Variants in KTN1 observed in about 807,000 individuals in gnomAD.
The protein encoded by KTN1 is kinectin.
Under a neutral mutation model 222.5 loss-of-function variants are expected in KTN1, and 130 were observed. The ratio of observed to expected loss-of-function variants is 0.58; its 90% CI spans 0.51 to 0.68. The LOEUF (loss-of-function observed/expected upper bound fraction) is 0.68, where lower values mean the gene tolerates loss of function less well. Among genes scored for constraint, KTN1 ranks in the 30% least tolerant of loss-of-function variants. The pLI is 0.00. For synonymous variants in KTN1, 512 were observed against 496.3 expected (o/e 1.03, Z -0.42); for missense variants, 1,508 against 1,500.4 (o/e 1.01, Z -0.08).
At chr14:55,680,278 T>C (rs1484162976) in intron 43 of KTN1, 3 of 164,348 alleles carry the variant, frequency 1.8e-5, no homozygotes, top group Non-Finnish European at 2.6e-5. Context: ...TTTTATTGTC[T>C]ATATTACCTT....
chr14:55,607,665 T>G (rs1209064995), intron 1 of KTN1, among the ~76,000 whole-genome samples: 1 of 152,216 alleles, frequency 6.6e-6, no homozygotes, highest in Non-Finnish European at 1.5e-5. Flanking sequence ...ACTGGCTGTT[T>G]ATTGCATTCA....
intron 2 of KTN1, among the ~76,000 whole-genome samples, chr14:55,614,748 G>A (rs2038100997): frequency 6.6e-6 from 1 of 152,192 alleles, no homozygotes; most frequent in South Asian, 2.1e-4. Flanking sequence ...TTGTACCAGA[G>A]ACCATATGTC....
chr14:55,602,837 C>A (rs1206731557), intron 1 of KTN1, among the ~76,000 whole-genome samples: 2 of 152,142 alleles, frequency 1.3e-5, no homozygotes, highest in Non-Finnish European at 2.9e-5. Context: ...TCCTTGGCCT[C>A]CCAGAGTGCT....
rs774637671 is a variant in KTN1 at position 55,650,400 on chromosome 14, C to G, written c.2478C>G (p.Asn826Lys). 6.8e-6 allele frequency: 11 copies of G among 1,609,946 alleles called. No homozygotes were observed. Among genetic ancestry groups the G allele is most frequent in the African/African-American group, 6.7e-5 (5 of 74,646 alleles). ...AGGCAGAACTTCTCAAAGTTGCTAA[C>G]AAGGAGAAAACTGTTCAGGTATTGG... ...LLEAELLKVANKEKTVQDLKQ... is the reference protein window; with the variant it reads ...LLEAELLKVAKKEKTVQDLKQ... The change falls in exon 23 of 44, where the codon AAC (asparagine) becomes AAG (lysine). Residue 826 changes from asparagine (N) to lysine (K), a missense_variant. By Grantham distance (94) the Asn-to-Lys change is moderately conservative. Transcript: ENST00000395314.
intron 37 of KTN1, chr14:55,672,114 A>G (rs1404029579): frequency 1.7e-5 from 7 of 423,416 alleles, no homozygotes; most frequent in Non-Finnish European, 2.9e-5. Flanking sequence ...TAGAATGTAG[A>G]ATGCTAGTTA....
chr14:55,667,568 C>A, intron 34 of KTN1: 1 of 265,378 alleles, frequency 3.8e-6, no homozygotes. Flanking sequence ...TTAAAAACAT[C>A]ATATTTGGGA....
intron 9 of KTN1, among the ~76,000 whole-genome samples, chr14:55,636,131 G>A (rs780003054): frequency 6.6e-5 from 10 of 152,172 alleles, no homozygotes; most frequent in Non-Finnish European, 1.3e-4. Context: ...AAGGTTAGTG[G>A]GAAACAGGTT....
chr14:55,631,326 C>T (rs2040479376), intron 7 of KTN1, among the ~76,000 whole-genome samples: 1 of 109,730 alleles, frequency 9.1e-6, no homozygotes, highest in Admixed American at 1.0e-4. Context: ...CTAAAACTCA[C>T]CTATTGATAA....
At chr14:55,606,266 A>G (rs887172384) in intron 1 of KTN1, among the ~76,000 whole-genome samples, 2 of 152,178 alleles carry the variant, frequency 1.3e-5, no homozygotes, top group Non-Finnish European at 2.9e-5. Flanking sequence ...TTGTCCAGAC[A>G]TTGATTTATA....
chr14:55,661,340 C>A, intron 31 of KTN1, 182 bp from the exon 32 acceptor site: 1 of 476,062 alleles, frequency 2.1e-6, no homozygotes, highest in South Asian at 4.2e-5. Flanking sequence ...TATTAGAAAT[C>A]ATTTCTGAAA....
At position 55,675,838 on chromosome 14, in the gene KTN1, A is replaced by C. The variant is rs1398592914; in HGVS notation, c.3775A>C (p.Lys1259Gln). 1.9e-6 allele frequency: 3 copies of C among 1,603,454 alleles called. No individual in the cohort carries two copies. The highest frequency in any genetic ancestry group is 1.7e-5 in the Admixed American group (1 of 59,886). Reference sequence around the variant, plus strand: ...TGGTGTTCCTTTATTTTTACAGTTGAAGGCACAGTTAAATGAAACACTCAC... The same window carrying C: ...TGGTGTTCCTTTATTTTTACAGTTGCAGGCACAGTTAAATGAAACACTCAC... ...VRQNEELNLL[K>Q]AQLNETLTKL... Residue 1259 changes from lysine to glutamine, a missense_variant, in exon 41 of 44, where the codon AAG becomes CAG. Coordinates refer to ENST00000395314, the MANE Select transcript of KTN1 (RefSeq NM_001079521.2).
At chr14:55,607,782 C>G (rs1022620882) in intron 1 of KTN1, among the ~76,000 whole-genome samples, 5 of 152,068 alleles carry the variant, frequency 3.3e-5, no homozygotes, top group African/African-American at 1.2e-4. Flanking sequence ...GTTCCAGCCA[C>G]TTGGGAGGCT....
chr14:55,660,106 TGTG>T (rs973557047), intron 31 of KTN1, among the ~76,000 whole-genome samples: 3 of 152,140 alleles, frequency 2.0e-5, no homozygotes, highest in African/African-American at 7.2e-5. Context: ...TTAGGATAGA[TGTG>T]GTAGCTCACG....
At chr14:55,620,400 G>A (rs927408680) in intron 5 of KTN1, among the ~76,000 whole-genome samples, 2 of 152,206 alleles carry the variant, frequency 1.3e-5, no homozygotes, top group African/African-American at 2.4e-5. Flanking sequence ...GGGACTTAGT[G>A]TGTAGGTTTC....
At position 55,637,214 on chromosome 14, in the gene KTN1, T is replaced by C. The variant is rs370400151; in HGVS notation, c.1566T>C (p.Phe522=). 1.2e-6 allele frequency: 2 copies of C among 1,602,168 alleles called. No homozygotes were observed. The highest frequency in any genetic ancestry group is 2.7e-5 in the African/African-American group (2 of 74,316). The change falls in exon 11 of 44, where the codon TTT becomes TTC. Residue 522 remains phenylalanine, a synonymous_variant. Coordinates refer to ENST00000395314, the MANE Select transcript of KTN1 (RefSeq NM_001079521.2). ...TTATTACAGATTTACAGAGTAAATT[T>C]GTGGCCAAAGAAAATGAAGTACAGA... ...EAAQQDLQSK[F]VAKENEVQSL...
intron 1 of KTN1, among the ~76,000 whole-genome samples, chr14:55,585,505 A>C (rs1430973325): frequency 6.6e-6 from 1 of 152,158 alleles, no homozygotes; most frequent in Non-Finnish European, 1.5e-5. Context: ...TTCCTTTCAT[A>C]GATTGTACTC....
At chr14:55,676,590 C>T (rs1385847962) in intron 41 of KTN1, among the ~76,000 whole-genome samples, 1 of 152,082 alleles carries the variant, frequency 6.6e-6, no homozygotes, top group Non-Finnish European at 1.5e-5. Flanking sequence ...AAAATGGAAT[C>T]CCAGAAACCC....
chr14:55,624,828 A>G (rs1402038814), intron 5 of KTN1, among the ~76,000 whole-genome samples: 1 of 152,206 alleles, frequency 6.6e-6, no homozygotes, highest in African/African-American at 2.4e-5. Flanking sequence ...CAACAGTAAC[A>G]TGCTTTAGAG....
At position 55,648,789 on chromosome 14, in the gene KTN1, G is replaced by T; in HGVS notation, c.2299-13G>T. On this transcript the variant is annotated splice_polypyrimidine_tract_variant and intron_variant, in intron 20 of 43. Transcript: ENST00000395314. Reference sequence around the variant, plus strand: ...GAGTAAAATCATGTTTTGCTTATGTGTCTTTGAAAAAGGCAATAAGAACAG... The same window carrying T: ...GAGTAAAATCATGTTTTGCTTATGTTTCTTTGAAAAAGGCAATAAGAACAG... The T allele has an allele frequency of 6.4e-7, 1 of 1,567,078 alleles. No individual in the cohort carries two copies. Among genetic ancestry groups the T allele is most frequent in the Non-Finnish European group, 8.8e-7 (1 of 1,140,134 alleles).
Sources: allele counts gnomAD v4.1 joint callset (sites outside exome capture counted in the v4.1 genomes callset), GRCh38; gene constraint gnomAD v4.1.1; transcripts MANE v1.5; gene names NCBI Gene and HGNC (gene_info 2026-07-23, HGNC 2026-07-21).